The following CDH18 variants were observed in gnomAD, a reference collection of about 807,000 sequenced individuals.
CDH18 encodes the protein cadherin 18.
Under a neutral mutation model 67.9 loss-of-function variants are expected in CDH18, and 31 were observed. The ratio of observed to expected loss-of-function variants is 0.46; its 90% confidence interval spans 0.34 to 0.62. The LOEUF (loss-of-function observed/expected upper bound fraction) is 0.62. CDH18 is among the 20% of genes least tolerant of loss of function. The pLI is 0.01. For missense variants in CDH18, 890 were observed against 975.5 expected, an observed-to-expected ratio of 0.91 and a Z score of 1.17; for synonymous variants, 362 against 347.2, an observed-to-expected ratio of 1.04 and a Z score of -0.48.
At chr5:19,755,455 A>ATATATATATG (rs1349353475) in intron 3 of CDH18, among the ~76,000 whole-genome samples, 6 of 9,734 alleles carry the variant, frequency 6.2e-4, no homozygotes, top group African/African-American at 7.8e-4. Context: ...ATATATATAT[A>ATATATATATG]TATACACACA....
chr5:19,520,661 C>G lies in CDH18; in HGVS notation c.1508G>C (p.Gly503Ala). Residue 503 changes from glycine to alanine, a missense_variant, in exon 10 of 13, where the codon GGC becomes GCC. Transcript: ENST00000382275. The part of the protein sequence containing the change: ...DIIVCENSKP[G>A]QVIHTISATD... ...GGAAGGAAACAATTAACTTACCTGG[C>G]CAGGCTTAGAATTTTCACATACAAT... The G allele has an allele frequency of 1.9e-6, 3 of 1,608,518 alleles. No homozygotes were observed. The highest frequency in any genetic ancestry group is 2.5e-6 in the Non-Finnish European group (3 of 1,177,870).
intron 2 of CDH18, among the ~76,000 whole-genome samples, chr5:20,194,746 C>G (rs1171177038): frequency 6.6e-6 from 1 of 151,860 alleles, no homozygotes; most frequent in Non-Finnish European, 1.5e-5. Flanking sequence ...TCCCTGAATA[C>G]TAGAGTTGAT....
intron 5 of CDH18, among the ~76,000 whole-genome samples, chr5:19,700,280 A>G (rs1763070311): frequency 6.6e-6 from 1 of 152,186 alleles, no homozygotes; most frequent in South Asian, 2.1e-4. Context: ...TCAACAGCAC[A>G]TATCTAAACA....
At chr5:19,670,790 T>C (rs1429557399) in intron 5 of CDH18, among the ~76,000 whole-genome samples, 1 of 152,066 alleles carries the variant, frequency 6.6e-6, no homozygotes, top group Non-Finnish European at 1.5e-5. Context: ...TGACCATTAA[T>C]GTATTATTAA....
chr5:19,974,256 G>A (rs947027010), intron 2 of CDH18, among the ~76,000 whole-genome samples: 1 of 151,958 alleles, frequency 6.6e-6, no homozygotes, highest in African/African-American at 2.4e-5. Flanking sequence ...GTTGTCCCTG[G>A]ATGTGTTTTA....
intron 1 of CDH18, among the ~76,000 whole-genome samples, chr5:20,392,291 T>C (rs1744929019): frequency 6.6e-6 from 1 of 151,814 alleles, no homozygotes; most frequent in African/African-American, 2.4e-5. Flanking sequence ...AATATCACTT[T>C]TCAAAACAGG....
At chr5:20,090,800 C>T (rs539655048) in intron 2 of CDH18, among the ~76,000 whole-genome samples, 4 of 151,992 alleles carry the variant, frequency 2.6e-5, no homozygotes, top group South Asian at 4.2e-4. Context: ...GAGGCCAAGG[C>T]GGCCAGATCA....
chr5:20,408,757 G>A (rs1294639533), intron 1 of CDH18, among the ~76,000 whole-genome samples: 1 of 151,720 alleles, frequency 6.6e-6, no homozygotes, highest in African/African-American at 2.4e-5. Flanking sequence ...TACTTTAAAT[G>A]TAAATGTGAA....
At position 19,828,468 on chromosome 5, in the gene CDH18, T is replaced by C. The variant is rs1054169387; in HGVS notation, c.228+10291A>G. Among the ~76,000 whole-genome samples, 14 of 152,018 alleles carry C rather than the reference T, an allele frequency of 9.2e-5. No individual in the cohort carries two copies. The South Asian group carries it at 2.5e-3, about 27-fold the overall frequency. On this transcript the variant is annotated intron_variant, in intron 3 of 12. Coordinates refer to ENST00000382275, the MANE Select transcript of CDH18 (RefSeq NM_004934.5). ...CAGGCCAATATTCTTGATAAATTTA[T>C]ACTCAGAAACTTTTTACATTCAAAA...
At chr5:20,396,595 C>T (rs1745301211) in intron 1 of CDH18, among the ~76,000 whole-genome samples, 1 of 151,920 alleles carries the variant, frequency 6.6e-6, no homozygotes, top group Non-Finnish European at 1.5e-5. Context: ...GCAGCAAAAT[C>T]AATGAATCGG....
At chr5:19,620,828 T>G (rs1301036178) in intron 5 of CDH18, among the ~76,000 whole-genome samples, 1 of 152,148 alleles carries the variant, frequency 6.6e-6, no homozygotes, top group Admixed American at 6.6e-5. Flanking sequence ...CCAGGGATTC[T>G]GCAAAGGGCT....
intron 1 of CDH18, among the ~76,000 whole-genome samples, chr5:20,441,367 G>A (rs932932097): frequency 1.3e-5 from 2 of 151,730 alleles, no homozygotes; most frequent in South Asian, 2.1e-4. Context: ...ATAATTGCAC[G>A]TGTGGGTATT....
chr5:20,461,596 T>A (rs1406923842), intron 1 of CDH18, among the ~76,000 whole-genome samples: 1 of 152,090 alleles, frequency 6.6e-6, no homozygotes, highest in East Asian at 1.9e-4. Flanking sequence ...GTTCTTATGC[T>A]TATCAAACCT....
chr5:19,642,394 G>A (rs879599863), intron 5 of CDH18, among the ~76,000 whole-genome samples: 10 of 151,892 alleles, frequency 6.6e-5, no homozygotes, highest in Non-Finnish European at 1.5e-4. Context: ...GAAGAACAAA[G>A]GTGGAACTAA....
intron 1 of CDH18, among the ~76,000 whole-genome samples, chr5:20,487,199 T>C (rs1421286173): frequency 6.6e-6 from 1 of 152,132 alleles, no homozygotes; most frequent in Admixed American, 6.6e-5. Context: ...ACCCTTCCAG[T>C]GACGTTAAGG....
intron 2 of CDH18, among the ~76,000 whole-genome samples, chr5:19,950,169 A>G (rs1368086531): frequency 1.3e-5 from 2 of 151,876 alleles, no homozygotes; most frequent in African/African-American, 4.8e-5. Flanking sequence ...ACAAACATAC[A>G]CCATGAAATA....
chr5:19,934,470 TG>T (rs1794028175), intron 2 of CDH18, among the ~76,000 whole-genome samples: 1 of 151,426 alleles, frequency 6.6e-6, no homozygotes, highest in African/African-American at 2.4e-5. Context: ...CTAACAGGTA[TG>T]GGGAGGTCAT....
At chr5:20,068,599 CTT>C (rs1561764856) in intron 2 of CDH18, among the ~76,000 whole-genome samples, 1 of 151,798 alleles carries the variant, frequency 6.6e-6, no homozygotes, top group Non-Finnish European at 1.5e-5. Flanking sequence ...AGTTTTATAA[CTT>C]TATGTAAGTT....
At chr5:19,517,759 C>T (rs575768647) in intron 10 of CDH18, among the ~76,000 whole-genome samples, 5 of 152,132 alleles carry the variant, frequency 3.3e-5, no homozygotes, top group Middle Eastern at 3.4e-3. Flanking sequence ...GTCCCATTCT[C>T]TCTCATATGC....
Sources: gnomAD v4.1 joint callset for allele counts (sites outside exome capture counted in the v4.1 genomes callset) on GRCh38, gnomAD v4.1.1 for gene constraint, MANE v1.5 for transcripts, NCBI Gene and HGNC (gene_info 2026-07-23, HGNC 2026-07-21) for gene names.